Variants in LRMDA observed in about 807,000 individuals in gnomAD.
LRMDA encodes leucine rich melanocyte differentiation associated, also known as leucine-rich melanocyte differentiation-associated protein.
LRMDA carries 18 observed loss-of-function variants against 29.8 expected under a neutral mutation model. The observed-to-expected ratio is 0.60, with a 90% CI of 0.42 to 0.90. The LOEUF (loss-of-function observed/expected upper bound fraction) is 0.90, where lower values mean the gene tolerates loss of function less well. Ranked by LOEUF, LRMDA falls within the 40% of genes least tolerant of loss-of-function variation. LRMDA has a pLI of 0.00. For synonymous variants in LRMDA, 125 were observed against 109.4 expected (o/e 1.14, Z -0.89); for missense variants, 273 against 273.9 (o/e 1.00, Z 0.02).
intron 5 of LRMDA, among the ~76,000 whole-genome samples, chr10:76,198,531 G>A (rs1036957606): frequency 2.6e-5 from 4 of 152,210 alleles, no homozygotes; most frequent in Non-Finnish European, 5.9e-5. Context: ...TTATAATGCT[G>A]AAGAAGACTA....
intron 2 of LRMDA, among the ~76,000 whole-genome samples, chr10:75,543,688 TC>T (rs1315139966): frequency 1.3e-5 from 2 of 152,182 alleles, no homozygotes; most frequent in Non-Finnish European, 2.9e-5. Flanking sequence ...TTTTTTAAAT[TC>T]TCCAAAGATT....
At chr10:75,738,904 C>T (rs1245194894) in intron 2 of LRMDA, among the ~76,000 whole-genome samples, 1 of 152,150 alleles carries the variant, frequency 6.6e-6, no homozygotes, top group East Asian at 1.9e-4. Flanking sequence ...GTCAAACGCT[C>T]TCTTTCTATT....
chr10:76,247,180 T>G (rs1221919731), intron 5 of LRMDA, among the ~76,000 whole-genome samples: 1 of 152,166 alleles, frequency 6.6e-6, no homozygotes, highest in Non-Finnish European at 1.5e-5. Context: ...GAGAATAAAG[T>G]GACTTAAATA....
chr10:76,504,317 A>G (rs1842939081), intron 6 of LRMDA, among the ~76,000 whole-genome samples: 1 of 151,956 alleles, frequency 6.6e-6, no homozygotes, highest in Non-Finnish European at 1.5e-5. Context: ...GCAGTTGGGT[A>G]TAGTATTCTT....
At chr10:75,755,354 C>T (rs1273427584) in intron 2 of LRMDA, among the ~76,000 whole-genome samples, 1 of 152,166 alleles carries the variant, frequency 6.6e-6, no homozygotes, top group Non-Finnish European at 1.5e-5. Context: ...AGCAGGTGTT[C>T]GGCAAAGATT....
intron 2 of LRMDA, among the ~76,000 whole-genome samples, chr10:75,625,431 T>A (rs747130215): frequency 9.9e-5 from 15 of 152,164 alleles, no homozygotes; most frequent in Non-Finnish European, 1.3e-4. Context: ...TCCTATGCAC[T>A]GTACTGCATC....
intron 2 of LRMDA, among the ~76,000 whole-genome samples, chr10:75,717,970 G>A (rs1842522042): frequency 6.6e-6 from 1 of 152,096 alleles, no homozygotes; most frequent in Admixed American, 6.5e-5. Context: ...TCAAAATGTA[G>A]TCCCCAGCTA....
intron 5 of LRMDA, among the ~76,000 whole-genome samples, chr10:76,266,879 G>T (rs546586232): frequency 6.6e-6 from 1 of 152,304 alleles, no homozygotes; most frequent in South Asian, 2.1e-4. Context: ...AACAGGAGAT[G>T]AGTTTGTTTT....
chr10:76,553,090 G>C (rs1385101031), intron 6 of LRMDA, among the ~76,000 whole-genome samples: 1 of 152,182 alleles, frequency 6.6e-6, no homozygotes, highest in Non-Finnish European at 1.5e-5. Flanking sequence ...TGATGGGAAA[G>C]CTGGCTACTT....
chr10:75,435,431 G>C (rs1334624914), intron 1 of LRMDA, among the ~76,000 whole-genome samples: 1 of 152,144 alleles, frequency 6.6e-6, no homozygotes, highest in Non-Finnish European at 1.5e-5. Context: ...GTGGCTGCTT[G>C]CTGCTTTTAA....
rs572105535 is a variant in LRMDA, at chr10:75,767,795, C to T, written c.132-268213C>T. On this transcript the variant is annotated intron_variant, in intron 2 of 6. Coordinates refer to ENST00000611255, the MANE Select transcript of LRMDA (RefSeq NM_001305581.2). Reference sequence around the variant, plus strand: ...GTGTTACCTAACCTGGCAATGTATTCGCAAATGTGATTAAGTTAACGATCT... The same window carrying T: ...GTGTTACCTAACCTGGCAATGTATTTGCAAATGTGATTAAGTTAACGATCT... Among the ~76,000 whole-genome samples the T allele has an allele frequency of 2.0e-5, 3 of 152,256 alleles. No individual in the cohort carries two copies. In the East Asian group the frequency reaches 5.8e-4, roughly 29 times the overall value.
At chr10:75,688,420 C>A (rs184532422) in intron 2 of LRMDA, among the ~76,000 whole-genome samples, 55 of 152,284 alleles carry the variant, frequency 3.6e-4, no homozygotes, top group Admixed American at 1.2e-3. Context: ...GCAGAAATAG[C>A]AAGAAAACTA....
intron 2 of LRMDA, among the ~76,000 whole-genome samples, chr10:75,543,336 CA>C (rs1368012419): frequency 6.6e-6 from 1 of 152,138 alleles, no homozygotes; most frequent in Non-Finnish European, 1.5e-5. Context: ...CCTGTAGTGC[CA>C]GGGGCTAAAT....
intron 2 of LRMDA, among the ~76,000 whole-genome samples, chr10:75,923,823 T>TC (rs1846069420): frequency 6.6e-6 from 1 of 152,050 alleles, no homozygotes; most frequent in Non-Finnish European, 1.5e-5. Flanking sequence ...TTTGCACCCC[T>TC]CCCTTACCCC....
At chr10:75,800,115 C>T (rs896045329) in intron 2 of LRMDA, among the ~76,000 whole-genome samples, 1 of 151,962 alleles carries the variant, frequency 6.6e-6, no homozygotes, top group Non-Finnish European at 1.5e-5. Flanking sequence ...TTATCAATTT[C>T]TTCTTTTACC....
intron 2 of LRMDA, among the ~76,000 whole-genome samples, chr10:75,507,128 G>A (rs1374820794): frequency 6.8e-6 from 1 of 146,218 alleles, no homozygotes; most frequent in Non-Finnish European, 1.5e-5. Flanking sequence ...TTTTTTTCCT[G>A]GTGACATCTG....
intron 2 of LRMDA, among the ~76,000 whole-genome samples, chr10:75,982,600 G>A (rs1463901507): frequency 6.6e-6 from 1 of 152,226 alleles, no homozygotes; most frequent in Non-Finnish European, 1.5e-5. Flanking sequence ...AGCTAAAGGT[G>A]AAGCTGGCCT....
intron 2 of LRMDA, chr10:75,782,873 G>T: frequency 6.3e-7 from 1 of 1,583,788 alleles, no homozygotes. Context: ...TGCCCCCAAA[G>T]CCGTGGAGTA....
intron 2 of LRMDA, chr10:75,742,657 C>T (rs1842844346): frequency 6.6e-6 from 1 of 152,202 alleles, no homozygotes; most frequent in African/African-American, 2.4e-5. Context: ...TTGCCAAGGG[C>T]CCTCTGCTCT....
Sources: allele counts gnomAD v4.1 joint callset (sites outside exome capture counted in the v4.1 genomes callset), GRCh38; gene constraint gnomAD v4.1.1; transcripts MANE v1.5; gene names NCBI Gene and HGNC (gene_info 2026-07-23, HGNC 2026-07-21).